Variants in TENM2 observed in about 807,000 individuals in gnomAD.
TENM2 encodes the protein teneurin transmembrane protein 2, also known as teneurin-2.
In TENM2, 52 loss-of-function variants were observed where a neutral mutation model predicts 245.2. The observed-to-expected ratio is 0.21, with a 90% CI of 0.17 to 0.27. The LOEUF (loss-of-function observed/expected upper bound fraction) is 0.27, where lower values mean the gene tolerates loss of function less well. TENM2 is among the 10% of genes least tolerant of loss of function. TENM2 has a pLI of 1.00. For synonymous variants in TENM2, 1,363 were observed against 1,438.9 expected, an observed-to-expected ratio of 0.95 and a Z score of 1.19; for missense variants, 3,046 against 3,666.8, an observed-to-expected ratio of 0.83 and a Z score of 4.37.
intron 17 of TENM2, among the ~76,000 whole-genome samples, chr5:168,203,218 G>T (rs1026075213): frequency 3.9e-5 from 6 of 152,158 alleles, no homozygotes; most frequent in African/African-American, 1.4e-4. Context: ...ACAAGCTATT[G>T]CTCCCAGAAT....
chr5:167,757,124 G>A (rs904738293), intron 2 of TENM2, among the ~76,000 whole-genome samples: 1 of 148,296 alleles, frequency 6.7e-6, no homozygotes, highest in African/African-American at 2.5e-5. Flanking sequence ...TAAGTTCTGG[G>A]GTGCATGTGC....
chr5:167,827,563 C>T (rs1768070059), intron 2 of TENM2, among the ~76,000 whole-genome samples: 1 of 125,132 alleles, frequency 8.0e-6, no homozygotes, highest in Admixed American at 1.1e-4. Context: ...GCACCTGCAG[C>T]TGAAGGAACC....
chr5:167,907,609 G>C (rs1776214756), intron 3 of TENM2, among the ~76,000 whole-genome samples: 1 of 134,314 alleles, frequency 7.4e-6, no homozygotes, highest in East Asian at 2.2e-4. Flanking sequence ...CATATTTATA[G>C]AGCTAAGAAT....
chr5:167,408,905 G>A (rs114202833), intron 2 of TENM2, among the ~76,000 whole-genome samples: 1,793 of 149,930 alleles, frequency 0.012, 19 homozygotes, highest in East Asian at 0.04. Flanking sequence ...TGGTGTTTTA[G>A]ACCTGTATGC....
chr5:167,211,329 C>T, the TENM2 span, among the ~76,000 whole-genome samples: 1 of 152,156 alleles, frequency 6.6e-6, no homozygotes, highest in Non-Finnish European at 1.5e-5. Context: ...GTAAATTCTA[C>T]ATTGAACTAA....
exon 27 of TENM2, chr5:168,246,857 G>T: frequency 6.2e-7 from 1 of 1,613,962 alleles, no homozygotes; most frequent in Non-Finnish European, 8.5e-7. Flanking sequence ...GCCCGGCACA[G>T]CATGTCCACA....
intron 27 of TENM2, among the ~76,000 whole-genome samples, chr5:168,254,195 G>C (rs1015812582): frequency 2.6e-5 from 4 of 152,238 alleles, no homozygotes; most frequent in Non-Finnish European, 4.4e-5. Flanking sequence ...GAAGAGGAGA[G>C]TCATGAGCTA....
the TENM2 span, among the ~76,000 whole-genome samples, chr5:167,040,538 C>A: frequency 5.3e-5 from 8 of 152,038 alleles, no homozygotes; most frequent in African/African-American, 1.7e-4. Context: ...GACAAACTTG[C>A]AGATACCTAA....
chr5:167,673,884 C>T (rs921284540), intron 2 of TENM2, among the ~76,000 whole-genome samples: 3 of 152,012 alleles, frequency 2.0e-5, no homozygotes, highest in African/African-American at 7.3e-5. Context: ...GGGGCTACTG[C>T]AGACTCTTTT....
At chr5:167,570,214 G>A (rs1260763319) in intron 2 of TENM2, among the ~76,000 whole-genome samples, 2 of 152,226 alleles carry the variant, frequency 1.3e-5, no homozygotes, top group Non-Finnish European at 2.9e-5. Flanking sequence ...CCACAGAGGC[G>A]ACTGAAGTTG....
intron 22 of TENM2, among the ~76,000 whole-genome samples, chr5:168,217,921 A>T (rs1257242250): frequency 1.3e-5 from 2 of 152,118 alleles, no homozygotes; most frequent in African/African-American, 4.8e-5. Flanking sequence ...ACGGTAGAAA[A>T]TATATATTAT....
the TENM2 span, among the ~76,000 whole-genome samples, chr5:167,217,658 TTATTTGCATATGAACCTCCTA>T: frequency 6.6e-6 from 1 of 150,552 alleles, no homozygotes; most frequent in Non-Finnish European, 1.5e-5. Flanking sequence ...ATGGCATTGT[TTATTTGCATATGAACCTCCTA>T]TATATATAAA....
the TENM2 span, among the ~76,000 whole-genome samples, chr5:167,195,470 T>C: frequency 6.6e-6 from 1 of 152,030 alleles, no homozygotes; most frequent in African/African-American, 2.4e-5. Flanking sequence ...ATGTGGGCCA[T>C]ATGGTCTCTA....
chr5:167,616,061 G>A (rs2127759879), intron 2 of TENM2, among the ~76,000 whole-genome samples: 1 of 152,186 alleles, frequency 6.6e-6, no homozygotes, highest in South Asian at 2.1e-4. Flanking sequence ...GCCCATTTGG[G>A]TATTAATAAC....
intron 5 of TENM2, among the ~76,000 whole-genome samples, chr5:168,028,196 A>G (rs181935633): frequency 6.0e-4 from 91 of 152,218 alleles, no homozygotes; most frequent in Non-Finnish European, 1.1e-3. Flanking sequence ...TCTCAATATC[A>G]CATGTCTCTA....
intron 1 of TENM2, among the ~76,000 whole-genome samples, chr5:167,353,723 G>T (rs1002532233): frequency 5.3e-5 from 8 of 151,694 alleles, no homozygotes; most frequent in Non-Finnish European, 8.8e-5. Context: ...TAGCCGGGAT[G>T]GTCTCGATCT....
intron 2 of TENM2, among the ~76,000 whole-genome samples, chr5:167,871,216 G>A (rs1772799129): frequency 6.6e-6 from 1 of 152,104 alleles, no homozygotes; most frequent in Non-Finnish European, 1.5e-5. Flanking sequence ...TGATGAGTGA[G>A]GACCTGGAGC....
intron 2 of TENM2, among the ~76,000 whole-genome samples, chr5:167,726,623 T>TA (rs2150537570): frequency 6.6e-6 from 1 of 152,208 alleles, no homozygotes; most frequent in South Asian, 2.1e-4. Context: ...CACACCTAGC[T>TA]AACTTTTTTA....
exon 2 of TENM2, chr5:167,375,227 A>G: frequency 1.9e-6 from 3 of 1,551,674 alleles, no homozygotes; most frequent in Non-Finnish European, 2.6e-6. Context: ...CGAACTGGGC[A>G]TCTGTGAGCC....
Sources: allele counts gnomAD v4.1 joint callset (sites outside exome capture counted in the v4.1 genomes callset), GRCh38; gene constraint gnomAD v4.1.1; transcripts MANE v1.5; gene names NCBI Gene and HGNC (gene_info 2026-07-23, HGNC 2026-07-21).